Variants in UPP2 observed in about 807,000 individuals in gnomAD.
UPP2 encodes UPase 2.
UPP2 carries 23 observed loss-of-function variants against 26.7 expected under a neutral mutation model. The ratio of observed to expected loss-of-function variants is 0.86; its 90% CI spans 0.62 to 1.22. The LOEUF (loss-of-function observed/expected upper bound fraction) is 1.22. Ranked by LOEUF, UPP2 falls within the 50% of genes most tolerant of loss-of-function variation. The pLI is 0.00. For missense variants in UPP2, 387 were observed against 396.7 expected (o/e 0.98, Z 0.21); for synonymous variants, 127 against 141.3 (o/e 0.90, Z 0.72).
intron 3 of UPP2, among the ~76,000 whole-genome samples, chr2:158,048,101 C>T (rs1294121437): frequency 6.6e-6 from 1 of 152,162 alleles, no homozygotes; most frequent in South Asian, 2.1e-4. Flanking sequence ...TTTCCCCAAG[C>T]ACCTAATCTA....
chr2:158,121,422 G>C lies in UPP2; in HGVS notation c.468G>C (p.Gly156=), dbSNP rs1250815510. 4.3e-6 allele frequency: 7 copies of C among 1,612,426 alleles called. No homozygotes were observed. The highest frequency in any genetic ancestry group is 1.1e-5 in the South Asian group (1 of 91,068). ...GTSGGIGIAP[G]TVVITDIAVD... ...CCCACATTGCAGGGATTGCACCAGGGACTGTTGTAATAACGGATATAGCTG... is the reference window on the plus strand; with the variant it reads ...CCCACATTGCAGGGATTGCACCAGGCACTGTTGTAATAACGGATATAGCTG... The change falls in exon 5 of 7, where the codon GGG becomes GGC. Residue 156 remains glycine, a synonymous_variant. Transcript: ENST00000005756.
Position 158,123,776 on chromosome 2 carries a change from G to C in UPP2, c.692G>C (p.Cys231Ser). ...CAAGGCCGACTAGATGGAGCACTGT[G>C]CTCCTTTTCCAGAGAAAAAAAGTTA... is the stretch of plus-strand genomic sequence containing the variant. ...EGQGRLDGALCSFSREKKLDY... is the reference protein window; with the variant it reads ...EGQGRLDGALSSFSREKKLDY... Residue 231 changes from cysteine to serine, a missense_variant, in exon 6 of 7, where the codon TGC (cysteine) becomes TCC (serine). Cys to Ser is a moderately radical substitution (Grantham distance 112). Coordinates refer to ENST00000005756, the MANE Select transcript of UPP2 (RefSeq NM_173355.4). 6.2e-7 allele frequency: 1 copy of C among 1,614,026 alleles called. No homozygotes were observed. The highest frequency in any genetic ancestry group is 8.5e-7 in the Non-Finnish European group (1 of 1,179,904).
chr2:158,010,592 G>A lies in UPP2; in HGVS notation c.62-5209G>A, dbSNP rs577763429. Among the ~76,000 whole-genome samples, 5 of 152,232 alleles carry A rather than the reference G, an allele frequency of 3.3e-5. No individual in the cohort carries two copies. The East Asian group carries it at 5.8e-4, about 18-fold the overall frequency. ...ATCAAATTAAGCAGGAAAGAAGAACGGGTATGCATGAATTCAATTTAAAAG... is the reference window on the plus strand; with the variant it reads ...ATCAAATTAAGCAGGAAAGAAGAACAGGTATGCATGAATTCAATTTAAAAG... On this transcript the variant is annotated intron_variant, in intron 2 of 9. Transcript: ENST00000605860.
intron 2 of UPP2, among the ~76,000 whole-genome samples, chr2:158,001,013 T>C (rs996217643): frequency 2.0e-5 from 3 of 152,258 alleles, no homozygotes; most frequent in Non-Finnish European, 4.4e-5. Flanking sequence ...CTGCATTCAC[T>C]TCTCTGTATT....
intron 2 of UPP2, among the ~76,000 whole-genome samples, chr2:158,112,961 TA>T (rs1406719565): frequency 6.6e-6 from 1 of 152,206 alleles, no homozygotes; most frequent in Non-Finnish European, 1.5e-5. Context: ...GTTTGAGACA[TA>T]AACACAGTAA....
chr2:158,092,310 A>AT (rs1682924113), intron 3 of UPP2, among the ~76,000 whole-genome samples: 1 of 152,228 alleles, frequency 6.6e-6, no homozygotes, highest in Non-Finnish European at 1.5e-5. Context: ...ACATTTTAAT[A>AT]AAGCTTCAGG....
chr2:158,087,658 T>C (rs1682838407), intron 3 of UPP2, among the ~76,000 whole-genome samples: 1 of 152,200 alleles, frequency 6.6e-6, no homozygotes, highest in Admixed American at 6.5e-5. Flanking sequence ...GATTTAGAGC[T>C]CCTTTTAGCA....
chr2:158,060,301 T>TA (rs1682333307), intron 3 of UPP2, among the ~76,000 whole-genome samples: 1 of 152,186 alleles, frequency 6.6e-6, no homozygotes. Context: ...ACAATAGGTC[T>TA]AGTAATAAAG....
intron 2 of UPP2, among the ~76,000 whole-genome samples, chr2:158,003,130 T>C (rs957399258): frequency 6.6e-6 from 1 of 152,016 alleles, no homozygotes; most frequent in Admixed American, 6.6e-5. Context: ...TTGTCAGGGA[T>C]GGGTAGGTGG....
chr2:158,111,072 A>G (rs973566910), intron 2 of UPP2, among the ~76,000 whole-genome samples: 12 of 152,288 alleles, frequency 7.9e-5, no homozygotes, highest in African/African-American at 2.6e-4. Context: ...TTAGACATGA[A>G]GTCCTTGCCC....
At chr2:158,024,738 G>C (rs1393877463) in intron 3 of UPP2, among the ~76,000 whole-genome samples, 1 of 152,162 alleles carries the variant, frequency 6.6e-6, no homozygotes, top group Non-Finnish European at 1.5e-5. Flanking sequence ...AAATCTGTTT[G>C]AGAAAAAGCC....
In UPP2 at chr2:158,102,018, T is replaced by C; in HGVS notation, c.-46T>C. 6.2e-7 allele frequency: 1 copy of C among 1,608,018 alleles called. No homozygotes were observed. The highest frequency in any genetic ancestry group is 8.5e-7 in the Non-Finnish European group (1 of 1,178,434). ...ATTTAATAACAAGTCACAATATCTCTCTTTCTTGACATCAATTTAAGGTGA... is the reference window on the plus strand; with the variant it reads ...ATTTAATAACAAGTCACAATATCTCCCTTTCTTGACATCAATTTAAGGTGA... On this transcript the variant is annotated 5_prime_UTR_variant, in exon 1 of 7. Transcript: ENST00000005756.
intron 2 of UPP2, among the ~76,000 whole-genome samples, chr2:158,113,374 G>T (rs1416677833): frequency 1.3e-5 from 2 of 152,084 alleles, no homozygotes; most frequent in Non-Finnish European, 2.9e-5. Flanking sequence ...TACCAACAAA[G>T]AAGAAAATTC....
chr2:158,104,382 G>A (rs1361331339), intron 1 of UPP2, among the ~76,000 whole-genome samples: 2 of 152,204 alleles, frequency 1.3e-5, no homozygotes, highest in Non-Finnish European at 2.9e-5. Context: ...AAGGACAAAG[G>A]CCTGAAGCAG....
chr2:158,015,245 C>G (rs1683639638), intron 2 of UPP2, among the ~76,000 whole-genome samples: 1 of 152,194 alleles, frequency 6.6e-6, no homozygotes, highest in South Asian at 2.1e-4. Flanking sequence ...CCCACTCCCC[C>G]TTTCCCAGCT....
At position 158,123,713 on chromosome 2, in the gene UPP2, A is replaced by G. The variant is rs529071818; in HGVS notation, c.665-36A>G. 1.0e-4 allele frequency: 164 copies of G among 1,601,866 alleles called. 1 individual carries two copies. In the South Asian group the frequency reaches 1.7e-3, roughly 17 times the overall value. On this transcript the variant is annotated intron_variant, in intron 5 of 6. Transcript: ENST00000005756. Reference sequence around the variant, plus strand: ...ATGAGGCCACTGTCAGTGGGGTGGGACATCAAGTCACTAAACGTTCTCCCC... The same window carrying G: ...ATGAGGCCACTGTCAGTGGGGTGGGGCATCAAGTCACTAAACGTTCTCCCC...
At chr2:158,000,200 T>C (rs1356024048) in intron 2 of UPP2, among the ~76,000 whole-genome samples, 1 of 151,986 alleles carries the variant, frequency 6.6e-6, no homozygotes, top group Non-Finnish European at 1.5e-5. Flanking sequence ...CTCCTGCCTC[T>C]GGATCTCTGT....
intron 2 of UPP2, among the ~76,000 whole-genome samples, chr2:158,012,654 G>A (rs1669116123): frequency 6.6e-6 from 1 of 151,956 alleles, no homozygotes; most frequent in Admixed American, 6.6e-5. Context: ...GAGATTCCTG[G>A]AAACAGAATT....
At chr2:158,094,756 T>C (rs1431624732) in intron 3 of UPP2, among the ~76,000 whole-genome samples, 3 of 152,200 alleles carry the variant, frequency 2.0e-5, no homozygotes, top group South Asian at 4.2e-4. Context: ...CTGAGCCCTC[T>C]TGGGCAGCAG....
Sources: allele counts gnomAD v4.1 joint callset (sites outside exome capture counted in the v4.1 genomes callset), GRCh38; gene constraint gnomAD v4.1.1; transcripts MANE v1.5; gene names NCBI Gene and HGNC (gene_info 2026-07-23, HGNC 2026-07-21).